The following DRC1 variants were observed in gnomAD, a reference collection of about 807,000 sequenced individuals.
The protein encoded by DRC1 is dynein regulatory complex protein 1.
A neutral mutation model predicts 98.7 loss-of-function variants in DRC1; 74 were observed. That is an observed-to-expected ratio of 0.75 (90% CI 0.62 to 0.91). The LOEUF is 0.91. Ranked by LOEUF, DRC1 falls within the 40% of genes least tolerant of loss-of-function variation. DRC1 has a pLI of 0.00. For synonymous variants in DRC1, 336 were observed against 334.1 expected (o/e 1.01, Z -0.06); for missense variants, 875 against 886.0 (o/e 0.99, Z 0.16).
In DRC1 at chr2:26,444,203, C is replaced by A; in HGVS notation, c.1029-19C>A. The A allele has an allele frequency of 1.2e-6, 2 of 1,613,790 alleles. No homozygotes were observed. The highest frequency in any genetic ancestry group is 1.7e-6 in the Non-Finnish European group (2 of 1,179,982). ...ACCTTCTATTCAGCTGCAGACTAAC[C>A]TTTTTCTCCTTCAACCAGCCTGCAT... On this transcript the variant is annotated intron_variant, in intron 8 of 16. Transcript: ENST00000288710.
chr2:26,429,607 C>G, intron 4 of DRC1, 21 bp from the exon 5 acceptor site: 2 of 1,611,974 alleles, frequency 1.2e-6, no homozygotes, highest in Non-Finnish European at 1.7e-6. Context: ...TGTGGCCAGA[C>G]TTTTACATGC....
intron 2 of DRC1, among the ~76,000 whole-genome samples, chr2:26,415,724 G>A (rs1364179425): frequency 6.6e-6 from 1 of 152,154 alleles, no homozygotes; most frequent in Non-Finnish European, 1.5e-5. Context: ...CTGAGGTCAG[G>A]AGTTCAAGAC....
chr2:26,453,358 C>A lies in DRC1; in HGVS notation c.1728C>A (p.Ser576Arg). 1 of 1,614,170 alleles carries A rather than the reference C, an allele frequency of 6.2e-7. No individual in the cohort carries two copies. Among genetic ancestry groups the A allele is most frequent in the Non-Finnish European group, 8.5e-7 (1 of 1,180,050 alleles). Residue 576 changes from serine (S) to arginine (R), a missense_variant, in exon 14 of 17, where the codon AGC becomes AGA. By Grantham distance (110) the Ser-to-Arg change is moderately radical. Coordinates refer to ENST00000288710, the MANE Select transcript of DRC1 (RefSeq NM_145038.5). The stretch of plus-strand genomic sequence containing the variant: ...GTCAGGCGAGCATGGAGAAGGCGAG[C>A]ATGGAGGAGACAAGCACGAGGTCAG... ...PCSQASMEKA[S>R]MEETSTRSEL...
chr2:26,444,621 C>T, intron 9 of DRC1, 95 bp from the exon 10 acceptor site: 6 of 1,249,000 alleles, frequency 4.8e-6, no homozygotes, highest in South Asian at 2.9e-5. Context: ...GGAATTAGCA[C>T]AGCTCCTTTT....
chr2:26,455,829 C>T (rs1375467546), intron 16 of DRC1, among the ~76,000 whole-genome samples: 1 of 152,216 alleles, frequency 6.6e-6, no homozygotes, highest in African/African-American at 2.4e-5. Flanking sequence ...CATGGCCTGG[C>T]AAGAGGAGGA....
At chr2:26,437,644 G>A (rs561580058) in intron 7 of DRC1, among the ~76,000 whole-genome samples, 12 of 152,124 alleles carry the variant, frequency 7.9e-5, no homozygotes, top group African/African-American at 2.4e-4. Context: ...ATTTCCCTAA[G>A]AGTTGTATAT....
rs1460141815 is a variant in DRC1 at position 26,453,388 on chromosome 2, G to A, written c.1758G>A (p.Leu586=). The A allele has an allele frequency of 1.2e-6, 2 of 1,614,214 alleles. No individual in the cohort carries two copies. The highest frequency in any genetic ancestry group is 4.5e-5 in the East Asian group (2 of 44,894). The part of the protein sequence containing the change: ...SMEETSTRSE[L]ELAEQTEMEG... ...AGGAGACAAGCACGAGGTCAGAATTGGAGCTGGCAGAGCAGACGGAGATGG... is the reference window on the plus strand; with the variant it reads ...AGGAGACAAGCACGAGGTCAGAATTAGAGCTGGCAGAGCAGACGGAGATGG... The change falls in exon 14 of 17, where the codon TTG becomes TTA. Residue 586 remains leucine, a synonymous_variant. Coordinates refer to ENST00000288710, the MANE Select transcript of DRC1 (RefSeq NM_145038.5).
chr2:26,450,695 C>T lies in DRC1; in HGVS notation c.1689+14C>T, dbSNP rs774529537. On this transcript the variant is annotated intron_variant, in intron 13 of 16. Transcript: ENST00000288710. ...TCCAGCCTCCAGGTAAGGCAAGGTGCAGAGAGAAGAAAGCATTTTCTTTCT... is the reference window on the plus strand; with the variant it reads ...TCCAGCCTCCAGGTAAGGCAAGGTGTAGAGAGAAGAAAGCATTTTCTTTCT... 3.9e-6 allele frequency: 6 copies of T among 1,543,220 alleles called. No homozygotes were observed. The highest frequency in any genetic ancestry group is 4.3e-6 in the Non-Finnish European group (5 of 1,150,446).
intron 3 of DRC1, among the ~76,000 whole-genome samples, chr2:26,422,706 A>G (rs1325050476): frequency 1.3e-5 from 2 of 152,168 alleles, no homozygotes; most frequent in African/African-American, 4.8e-5. Flanking sequence ...GCTTGAGGTC[A>G]GGAGTTCAAG....
chr2:26,443,941 G>T (rs577210023), intron 8 of DRC1, among the ~76,000 whole-genome samples: 15 of 152,290 alleles, frequency 9.8e-5, no homozygotes, highest in African/African-American at 3.6e-4. Flanking sequence ...GATGTATTGT[G>T]AAGTAGGTTC....
intron 1 of DRC1, among the ~76,000 whole-genome samples, chr2:26,405,839 T>A (rs890553369): frequency 1.3e-5 from 2 of 151,970 alleles, no homozygotes; most frequent in Admixed American, 6.6e-5. Flanking sequence ...TTTTTATTTT[T>A]AGGAGAGACG....
At chr2:26,419,529 A>C (rs1403211678) in intron 2 of DRC1, among the ~76,000 whole-genome samples, 1 of 152,230 alleles carries the variant, frequency 6.6e-6, no homozygotes, top group Non-Finnish European at 1.5e-5. Context: ...AACTGCAGGC[A>C]TTAACAAAAA....
rs1664124214 is a variant in DRC1 at position 26,455,358 on chromosome 2, G to A, written c.2166+125G>A. 7 of 893,498 alleles carry A rather than the reference G, an allele frequency of 7.8e-6. No homozygotes were observed. The South Asian group carries it at 8.5e-5, about 11-fold the overall frequency. 55.3% of individuals were successfully genotyped at this position (893,498 alleles called of 1,614,324 possible). A position where few individuals can be genotyped will look rare whatever the true frequency, so the allele number is the denominator to read the frequency against. On this transcript the variant is annotated intron_variant, in intron 16 of 16. Transcript: ENST00000288710. ...AGGCAAGGGAGCTTTGTGATATGAT[G>A]TAAAAAATCAAGAGTGGCACCTTGA...
rs1457509907 is a variant in DRC1 at position 26,454,695 on chromosome 2, C to T, written c.1968C>T (p.Ser656=). 6.2e-7 allele frequency: 1 copy of T among 1,614,158 alleles called. No individual in the cohort carries two copies. The highest frequency in any genetic ancestry group is 1.7e-5 in the Admixed American group (1 of 60,028). The change falls in exon 15 of 17, where the codon TCC becomes TCT. Residue 656 remains serine, a synonymous_variant. Transcript: ENST00000288710. This position sits in a 1 kb window ranked among gnomAD's most constrained non-coding sequence, Gnocchi z 5.2. ...TACAGAAGAATGTGCGTGACAACTCCAAGGACTCGGAGTACTGGCAGGCCC... is the reference window on the plus strand; with the variant it reads ...TACAGAAGAATGTGCGTGACAACTCTAAGGACTCGGAGTACTGGCAGGCCC... ...LRVQKNVRDN[S]KDSEYWQALT...
rs528389374 is a variant in DRC1 at position 26,423,742 on chromosome 2, C to T, written c.357-529C>T. Among the ~76,000 whole-genome samples, 3 of 152,306 alleles carry T rather than the reference C, an allele frequency of 2.0e-5. No homozygotes were observed. In the East Asian group the frequency reaches 5.8e-4, roughly 29 times the overall value. Reference sequence around the variant, plus strand: ...TGTTAAGTGACTCCCATGCTGAGCACCTGTGCTGTGTGCAGCATCTTATTT... The same window carrying T: ...TGTTAAGTGACTCCCATGCTGAGCATCTGTGCTGTGTGCAGCATCTTATTT... On this transcript the variant is annotated intron_variant, in intron 3 of 16. Coordinates refer to ENST00000288710, the MANE Select transcript of DRC1 (RefSeq NM_145038.5).
In DRC1 at chr2:26,413,654, GT is replaced by G. The variant is rs551091267; in HGVS notation, c.156-685del. 1.9e-3 allele frequency among the ~76,000 whole-genome samples: 292 copies of G among 152,172 alleles called. 2 individuals carry two copies. The highest frequency in any genetic ancestry group is 3.5e-3 in the Non-Finnish European group (241 of 67,988). On this transcript the variant is annotated intron_variant, in intron 1 of 16. Coordinates refer to ENST00000288710, the MANE Select transcript of DRC1 (RefSeq NM_145038.5). ...AACTGCCTGTTCATATCCTCTGCCA[GT>G]TTTTCTCTTTGGTATTTTGTCTTTT...
chr2:26,422,821 G>A (rs776595969), intron 3 of DRC1, among the ~76,000 whole-genome samples: 1 of 151,796 alleles, frequency 6.6e-6, no homozygotes, highest in African/African-American at 2.4e-5. Flanking sequence ...TCAGGAGGCC[G>A]AGGCAGGAGG....
At chr2:26,424,926 T>G (rs778710929) in intron 4 of DRC1, among the ~76,000 whole-genome samples, 1 of 152,214 alleles carries the variant, frequency 6.6e-6, no homozygotes, top group Non-Finnish European at 1.5e-5. Context: ...CACTCCAGCC[T>G]GGGTGACAGA....
chr2:26,440,932 T>C (rs535961653), intron 8 of DRC1, among the ~76,000 whole-genome samples: 1 of 152,346 alleles, frequency 6.6e-6, no homozygotes, highest in Admixed American at 6.5e-5. Flanking sequence ...ACCCACTGCA[T>C]AGATGCACTA....
Sources: gnomAD v4.1 joint callset for allele counts (sites outside exome capture counted in the v4.1 genomes callset) on GRCh38, gnomAD v4.1.1 for gene constraint, Gnocchi (gnomAD v3.1) non-coding constraint, MANE v1.5 for transcripts, NCBI Gene and HGNC (gene_info 2026-07-23, HGNC 2026-07-21) for gene names.